The following OSBPL8 variants were observed in gnomAD, a reference collection of about 807,000 sequenced individuals.
OSBPL8 encodes the protein oxysterol-binding protein-related protein 8.
A neutral mutation model predicts 125.5 loss-of-function variants in OSBPL8; 59 were observed. That is an observed-to-expected ratio of 0.47 (90% CI 0.38 to 0.58). The LOEUF is 0.58. OSBPL8 is among the 20% of genes least tolerant of loss of function. The pLI, the probability that OSBPL8 is intolerant of heterozygous loss-of-function variation, is 0.00. For missense variants in OSBPL8, 758 were observed against 1,047.8 expected (o/e 0.72, Z 3.82); for synonymous variants, 330 against 338.9 (o/e 0.97, Z 0.29).
chr12:76,517,787 G>A (rs57859057), intron 1 of OSBPL8, among the ~76,000 whole-genome samples: 31,417 of 152,004 alleles, frequency 0.21, 3,381 homozygotes, highest in Middle Eastern at 0.26. Flanking sequence ...CGCATCACAT[G>A]GCAAGAGTAG....
chr12:76,441,831 G>A (rs1449606393), intron 4 of OSBPL8, among the ~76,000 whole-genome samples: 1 of 151,662 alleles, frequency 6.6e-6, no homozygotes, highest in Non-Finnish European at 1.5e-5. Flanking sequence ...ACAATTAATA[G>A]GTACAAAAAA....
At chr12:76,419,284 T>TTTA (rs1869157559) in intron 4 of OSBPL8, among the ~76,000 whole-genome samples, 1 of 152,128 alleles carries the variant, frequency 6.6e-6, no homozygotes, top group Non-Finnish European at 1.5e-5. Flanking sequence ...AGTATAAATA[T>TTTA]TTATAGTGTA....
chr12:76,450,676 G>A (rs1873277988), intron 4 of OSBPL8, among the ~76,000 whole-genome samples, 175 bp downstream of exon 4: 1 of 151,928 alleles, frequency 6.6e-6, no homozygotes, highest in Admixed American at 6.6e-5. Context: ...CTAAAGGAAA[G>A]TGTACTCATT....
At chr12:76,390,133 T>C (rs1011651597) in intron 11 of OSBPL8, 15 of 421,412 alleles carry the variant, frequency 3.6e-5, no homozygotes, top group African/African-American at 3.1e-4. Context: ...AACTCACGTT[T>C]CCTTGCAACT....
intron 2 of OSBPL8, among the ~76,000 whole-genome samples, chr12:76,462,769 A>G (rs1486878091): frequency 6.6e-6 from 1 of 152,196 alleles, no homozygotes; most frequent in African/African-American, 2.4e-5. Flanking sequence ...AGTTGACTGA[A>G]TAAGATGAAG....
At position 76,358,632 on chromosome 12, in the gene OSBPL8, A is replaced by G; in HGVS notation, c.2434+74T>C. On this transcript the variant is annotated intron_variant, in intron 22 of 23. Transcript: ENST00000261183. ...ACTCACATAACTTGAGTTAATATGA[A>G]AAACCATATTCATATCAAATTGTGT... 3 of 1,293,582 alleles carry G rather than the reference A, an allele frequency of 2.3e-6. No individual in the cohort carries two copies. The South Asian group carries it at 3.7e-5, about 16-fold the overall frequency. The allele number at this position is 1,293,582 out of a possible 1,614,324, so 80.1% of individuals were successfully genotyped here.
intron 5 of OSBPL8, among the ~76,000 whole-genome samples, chr12:76,405,466 A>T (rs1954218504): frequency 6.6e-6 from 1 of 152,140 alleles, no homozygotes; most frequent in African/African-American, 2.4e-5. Context: ...CTTAAAAAAA[A>T]TCAAATTTGT....
intron 4 of OSBPL8, among the ~76,000 whole-genome samples, chr12:76,417,062 A>G (rs926163796): frequency 1.3e-5 from 2 of 152,206 alleles, no homozygotes; most frequent in African/African-American, 4.8e-5. Context: ...CTTATACACA[A>G]TAACTGTCAT....
intron 4 of OSBPL8, among the ~76,000 whole-genome samples, chr12:76,436,277 A>G (rs1221798228): frequency 6.6e-6 from 1 of 152,090 alleles, no homozygotes; most frequent in African/African-American, 2.4e-5. Flanking sequence ...TGAGCCTAAC[A>G]TTGTCCTTAA....
intron 4 of OSBPL8, among the ~76,000 whole-genome samples, chr12:76,440,721 A>G (rs1364068603): frequency 4.6e-5 from 7 of 152,158 alleles, no homozygotes; most frequent in Non-Finnish European, 1.0e-4. Flanking sequence ...TTAACTAAGT[A>G]CGTTACCCTT....
At chr12:76,449,674 C>A (rs1873143981) in intron 4 of OSBPL8, among the ~76,000 whole-genome samples, 1 of 152,164 alleles carries the variant, frequency 6.6e-6, no homozygotes, top group African/African-American at 2.4e-5. Flanking sequence ...TTCTGTGCAA[C>A]AGAATGAGAA....
chr12:76,457,462 A>G (rs922181202), intron 3 of OSBPL8, among the ~76,000 whole-genome samples: 3 of 152,114 alleles, frequency 2.0e-5, no homozygotes, highest in Non-Finnish European at 4.4e-5. Context: ...TATTTTTTCT[A>G]TGTTTCTAAG....
chr12:76,420,243 GA>G (rs1448391504), intron 4 of OSBPL8, among the ~76,000 whole-genome samples: 3 of 151,858 alleles, frequency 2.0e-5, no homozygotes, highest in East Asian at 1.9e-4. Flanking sequence ...CAAGAGCCAA[GA>G]AAAAAATCTG....
Position 76,513,362 on chromosome 12 carries a change from G to A in OSBPL8, c.-67-25744C>T, listed in dbSNP as rs767769982. ...TATATCCAATTATGTGATTGCTTTC[G>A]GAGTATGTTCCATGTGGAGATAAGA... On this transcript the variant is annotated intron_variant, in intron 1 of 23. Transcript: ENST00000261183. Among the ~76,000 whole-genome samples the A allele has an allele frequency of 4.6e-5, 7 of 152,172 alleles. No homozygotes were observed. The South Asian group carries it at 6.2e-4, about 13-fold the overall frequency.
chr12:76,361,028 T>C (rs911598383), intron 21 of OSBPL8, among the ~76,000 whole-genome samples: 1 of 152,366 alleles, frequency 6.6e-6, no homozygotes, highest in Admixed American at 6.5e-5. Flanking sequence ...TTGTTACTAA[T>C]GCAAATTTCT....
chr12:76,472,992 G>A (rs886612930), intron 2 of OSBPL8, among the ~76,000 whole-genome samples: 1 of 152,006 alleles, frequency 6.6e-6, no homozygotes, highest in Admixed American at 6.5e-5. Flanking sequence ...TGACACTGAC[G>A]CTACCGCTAG....
chr12:76,483,337 T>C (rs1053972409), intron 2 of OSBPL8, among the ~76,000 whole-genome samples: 2 of 151,298 alleles, frequency 1.3e-5, no homozygotes, highest in Admixed American at 6.6e-5. Flanking sequence ...CTGAGGCAGA[T>C]GGATAGCCTG....
chr12:76,442,746 C>G (rs1363095596), intron 4 of OSBPL8, among the ~76,000 whole-genome samples: 5 of 152,130 alleles, frequency 3.3e-5, no homozygotes, highest in Admixed American at 6.5e-5. Context: ...AATGTCTTAA[C>G]AAGACAGGAG....
chr12:76,404,803 T>C (rs1371424576), intron 5 of OSBPL8, among the ~76,000 whole-genome samples: 1 of 152,202 alleles, frequency 6.6e-6, no homozygotes, highest in Non-Finnish European at 1.5e-5. Flanking sequence ...CAGTACACAA[T>C]TACAGTAGTT....
Sources: allele counts gnomAD v4.1 joint callset (sites outside exome capture counted in the v4.1 genomes callset), GRCh38; gene constraint gnomAD v4.1.1; transcripts MANE v1.5; gene names NCBI Gene and HGNC (gene_info 2026-07-23, HGNC 2026-07-21).